Variants in TXK observed in about 807,000 individuals in gnomAD.
TXK encodes tyrosine-protein kinase TXK.
A neutral mutation model predicts 81.0 loss-of-function variants in TXK; 60 were observed. The observed-to-expected ratio is 0.74, with a 90% CI of 0.60 to 0.92. TXK has a LOEUF of 0.92. Ranked by LOEUF, TXK falls within the 40% of genes least tolerant of loss-of-function variation. The pLI is 0.00. For missense variants in TXK, 581 were observed against 638.3 expected (o/e 0.91, Z 0.97); for synonymous variants, 203 against 210.7 (o/e 0.96, Z 0.32).
chr4:48,072,152 C>T (rs2109396009), intron 13 of TXK, among the ~76,000 whole-genome samples: 1 of 152,114 alleles, frequency 6.6e-6, no homozygotes, highest in East Asian at 1.9e-4. Context: ...TATAGGTGCC[C>T]ACCACCACGC....
At chr4:48,123,794 A>G (rs1275074576) in intron 1 of TXK, among the ~76,000 whole-genome samples, 4 of 152,148 alleles carry the variant, frequency 2.6e-5, no homozygotes, top group Non-Finnish European at 5.9e-5. Flanking sequence ...AGCCTGCTTC[A>G]GCCAACTGCT....
At chr4:48,092,318 TC>T (rs1717807934) in intron 8 of TXK, among the ~76,000 whole-genome samples, 1 of 152,030 alleles carries the variant, frequency 6.6e-6, no homozygotes, top group Non-Finnish European at 1.5e-5. Flanking sequence ...ATTGGGAAGA[TC>T]CATTAGGAAC....
intron 1 of TXK, among the ~76,000 whole-genome samples, chr4:48,118,112 C>A (rs1718858616): frequency 1.3e-5 from 2 of 152,180 alleles, no homozygotes; most frequent in Admixed American, 1.3e-4. Flanking sequence ...TTTACCATTG[C>A]CCATGAATCG....
In TXK at chr4:48,071,639, T is replaced by G. The variant is rs1346511097; in HGVS notation, c.1393A>C (p.Met465Leu). The change falls in exon 14 of 15, where the codon ATG becomes CTG. Residue 465 changes from methionine (M) to leucine (L), a missense_variant. Coordinates refer to ENST00000264316, the MANE Select transcript of TXK (RefSeq NM_003328.3). ...LMWEVFTEGK[M>L]PFENKSNLQV... ...AAATTTGACTTATTTTCAAAAGGCA[T>G]TTTTCCTTCTGTAAAAACTTCCCAC... 1.2e-6 allele frequency: 2 copies of G among 1,614,066 alleles called. No homozygotes were observed. The highest frequency in any genetic ancestry group is 3.3e-5 in the Admixed American group (2 of 60,008).
chr4:48,102,143 T>C (rs1318337393), intron 6 of TXK, among the ~76,000 whole-genome samples: 2 of 152,144 alleles, frequency 1.3e-5, no homozygotes, highest in African/African-American at 4.8e-5. Context: ...CATGCCTGGC[T>C]AATTTTTGTA....
Position 48,067,416 on chromosome 4 carries a change from A to T in TXK, c.*221T>A, listed in dbSNP as rs966511816. The T allele has an allele frequency of 4.0e-6, 2 of 494,012 alleles. No homozygotes were observed. 30.6% of individuals were successfully genotyped at this position (494,012 alleles called of 1,614,324 possible). On this transcript the variant is annotated 3_prime_UTR_variant, in exon 15 of 15. Coordinates refer to ENST00000264316, the MANE Select transcript of TXK (RefSeq NM_003328.3). ...ACATTTGGGATGTGAAATATTTTAC[A>T]GAAAAATAAGAGTGTGCAAATCCCT...
At chr4:48,114,439 A>G in intron 1 of TXK, 37 bp from the exon 2 acceptor site, 1 of 1,606,232 alleles carries the variant, frequency 6.2e-7, no homozygotes, top group Non-Finnish European at 8.5e-7. Flanking sequence ...TTAGAAAGCC[A>G]TGAGTACGTG....
chr4:48,106,523 A>T (rs1366311420), intron 5 of TXK, among the ~76,000 whole-genome samples: 4 of 152,126 alleles, frequency 2.6e-5, no homozygotes, highest in Admixed American at 2.0e-4. Context: ...ATTTTTTTTT[A>T]AATCCAGCAC....
chr4:48,088,079 C>G (rs1207413055), intron 9 of TXK, among the ~76,000 whole-genome samples: 3 of 151,980 alleles, frequency 2.0e-5, no homozygotes, highest in African/African-American at 7.3e-5. Context: ...AATAATTAGT[C>G]ATCAGGGAAA....
chr4:48,084,525 ATTC>A (rs1717434714), intron 10 of TXK, among the ~76,000 whole-genome samples: 1 of 152,128 alleles, frequency 6.6e-6, no homozygotes, highest in Non-Finnish European at 1.5e-5. Context: ...TCTCCCATTC[ATTC>A]TTTTTTTATT....
chr4:48,080,434 T>C (rs1266439569), intron 10 of TXK, among the ~76,000 whole-genome samples: 2 of 152,184 alleles, frequency 1.3e-5, no homozygotes, highest in Non-Finnish European at 2.9e-5. Flanking sequence ...TCACTGTTTA[T>C]CCTTGCTAGG....
rs756026443 is a variant in TXK at position 48,080,095 on chromosome 4, A to G, written c.990T>C (p.Tyr330=). ...GGGGCTTCCGCTGTATACAGACTCC[A>G]TAAAGTTGCACTAGCTTTGAATGAG... ...KLSHSKLVQL[Y]GVCIQRKPLY... The change falls in exon 11 of 15, where the codon TAT becomes TAC. Residue 330 remains tyrosine, a synonymous_variant. Coordinates refer to ENST00000264316, the MANE Select transcript of TXK (RefSeq NM_003328.3). 1.2e-6 allele frequency: 2 copies of G among 1,614,026 alleles called. No individual in the cohort carries two copies. The highest frequency in any genetic ancestry group is 2.2e-5 in the East Asian group (1 of 44,874).
At chr4:48,098,205 A>G (rs1455775082) in intron 6 of TXK, among the ~76,000 whole-genome samples, 1 of 152,230 alleles carries the variant, frequency 6.6e-6, no homozygotes, top group African/African-American at 2.4e-5. Flanking sequence ...AATATCAATA[A>G]TCAACAGCAC....
At chr4:48,114,476 G>T (rs1271738959) in intron 1 of TXK, 74 bp from the exon 2 acceptor site, 5 of 1,438,250 alleles carry the variant, frequency 3.5e-6, no homozygotes, top group Non-Finnish European at 4.9e-6. Flanking sequence ...TAAGGGAAGG[G>T]TGAGACGAAT....
intron 13 of TXK, among the ~76,000 whole-genome samples, chr4:48,073,373 C>T (rs185477369): frequency 1.2e-4 from 18 of 152,234 alleles, no homozygotes; most frequent in South Asian, 4.1e-4. Flanking sequence ...CTTCATTGGA[C>T]GTGGGTCTAT....
intron 9 of TXK, among the ~76,000 whole-genome samples, chr4:48,087,463 T>G (rs1717580636): frequency 6.6e-6 from 1 of 151,470 alleles, no homozygotes; most frequent in African/African-American, 2.4e-5. Context: ...GGAGGAAGGG[T>G]CTCACTCTCT....
intron 5 of TXK, among the ~76,000 whole-genome samples, chr4:48,108,930 C>A (rs1429343125): frequency 6.6e-6 from 1 of 152,206 alleles, no homozygotes; most frequent in African/African-American, 2.4e-5. Flanking sequence ...TGTCCATTCA[C>A]TAACCACCAG....
At chr4:48,071,299 T>G (rs745792517) in intron 14 of TXK, among the ~76,000 whole-genome samples, 4 of 152,092 alleles carry the variant, frequency 2.6e-5, no homozygotes, top group Admixed American at 6.5e-5. Context: ...ACTCAGAAAA[T>G]GCACTGAATT....
intron 1 of TXK, among the ~76,000 whole-genome samples, chr4:48,129,583 G>A (rs1168362963): frequency 6.6e-6 from 1 of 152,098 alleles, no homozygotes; most frequent in East Asian, 1.9e-4. Flanking sequence ...AATGTTTCTG[G>A]GAGTAAAAGG....
Sources: gnomAD v4.1 joint callset for allele counts (sites outside exome capture counted in the v4.1 genomes callset) on GRCh38, gnomAD v4.1.1 for gene constraint, MANE v1.5 for transcripts, NCBI Gene and HGNC (gene_info 2026-07-23, HGNC 2026-07-21) for gene names.